Variants in GNG2 observed in about 807,000 individuals in gnomAD.
GNG2 encodes the protein guanine nucleotide-binding protein G(I)/G(S)/G(O) subunit gamma-2.
Under a neutral mutation model 5.5 loss-of-function variants are expected in GNG2, and 5 were observed. The ratio of observed to expected loss-of-function variants is 0.91; its 90% CI spans 0.48 to 1.92. The LOEUF (loss-of-function observed/expected upper bound fraction) is 1.92, where lower values mean the gene tolerates loss of function less well. GNG2 is among the 30% of genes most tolerant of loss of function. The pLI is 0.01. For synonymous variants in GNG2, 28 were observed against 32.0 expected (o/e 0.88, Z 0.42); for missense variants, 55 against 88.4 (o/e 0.62, Z 1.52).
At chr14:51,941,146 A>T (rs1888298472) in intron 2 of GNG2, among the ~76,000 whole-genome samples, 1 of 152,172 alleles carries the variant, frequency 6.6e-6, no homozygotes, top group Non-Finnish European at 1.5e-5. Context: ...GCTGCAGAAT[A>T]AATTAGAGTA....
At chr14:51,836,173 G>A (rs952364301) in intron 2 of GNG2, among the ~76,000 whole-genome samples, 8 of 151,656 alleles carry the variant, frequency 5.3e-5, no homozygotes, top group African/African-American at 1.7e-4. Context: ...CTCTTATAAG[G>A]GCATGAATCC....
intron 2 of GNG2, among the ~76,000 whole-genome samples, chr14:51,843,354 T>C (rs975381170): frequency 6.6e-6 from 1 of 152,074 alleles, no homozygotes; most frequent in Non-Finnish European, 1.5e-5. Flanking sequence ...CCAACTGCTA[T>C]AGAAACCCCT....
intron 3 of GNG2, among the ~76,000 whole-genome samples, chr14:51,958,109 A>G (rs1430808582): frequency 2.0e-5 from 3 of 152,222 alleles, no homozygotes; most frequent in African/African-American, 7.2e-5. Context: ...ACAGTCTGCT[A>G]CTATCATCAT....
intron 1 of GNG2, among the ~76,000 whole-genome samples, chr14:51,865,556 C>T (rs1882821300): frequency 6.6e-6 from 1 of 152,104 alleles, no homozygotes; most frequent in Non-Finnish European, 1.5e-5. Flanking sequence ...TTGACCTCTT[C>T]ATAAGGGATA....
chr14:51,864,760 C>G (rs1298117835), intron 1 of GNG2, among the ~76,000 whole-genome samples: 3 of 152,052 alleles, frequency 2.0e-5, no homozygotes, highest in Non-Finnish European at 4.4e-5. Flanking sequence ...GGTATCATGG[C>G]CAGAAAGGGA....
At chr14:51,946,990 T>C (rs1026634142) in intron 2 of GNG2, among the ~76,000 whole-genome samples, 15 of 152,188 alleles carry the variant, frequency 9.9e-5, no homozygotes, top group African/African-American at 3.6e-4. Flanking sequence ...CGACTCTGCC[T>C]GGTTCATACA....
At chr14:51,962,499 GTAT>G (rs1000420767) in intron 3 of GNG2, among the ~76,000 whole-genome samples, 2 of 152,138 alleles carry the variant, frequency 1.3e-5, no homozygotes, top group African/African-American at 4.8e-5. Context: ...TAAATTTTTT[GTAT>G]TATTTGAAGT....
intron 2 of GNG2, among the ~76,000 whole-genome samples, chr14:51,885,456 C>A (rs1304644313): frequency 6.6e-6 from 1 of 152,046 alleles, no homozygotes; most frequent in African/African-American, 2.4e-5. Context: ...TCCAGATTTT[C>A]TTTTGAGACC....
intron 2 of GNG2, among the ~76,000 whole-genome samples, chr14:51,931,439 G>T (rs890858240): frequency 6.6e-6 from 1 of 152,164 alleles, no homozygotes; most frequent in Non-Finnish European, 1.5e-5. Flanking sequence ...GGGTGAGTAG[G>T]CAGTGGATAT....
At chr14:51,848,806 CAGA>C (rs1881763981) in intron 2 of GNG2, among the ~76,000 whole-genome samples, 1 of 152,070 alleles carries the variant, frequency 6.6e-6, no homozygotes, top group Non-Finnish European at 1.5e-5. Context: ...TGGGGCTGCC[CAGA>C]AGAAGTTGTG....
intron 2 of GNG2, among the ~76,000 whole-genome samples, chr14:51,921,577 C>G (rs1303571158): frequency 6.6e-6 from 1 of 152,198 alleles, no homozygotes; most frequent in Non-Finnish European, 1.5e-5. Context: ...CACAGGGACT[C>G]TCTTCTTCCT....
At chr14:51,920,967 C>T (rs530555731) in intron 2 of GNG2, among the ~76,000 whole-genome samples, 1 of 152,196 alleles carries the variant, frequency 6.6e-6, no homozygotes, top group Non-Finnish European at 1.5e-5. Context: ...CTGCTGCAAA[C>T]ATTGCCAAGA....
intron 2 of GNG2, among the ~76,000 whole-genome samples, chr14:51,933,234 G>A (rs1404907945): frequency 6.6e-6 from 1 of 152,208 alleles, no homozygotes; most frequent in African/African-American, 2.4e-5. Flanking sequence ...AGCAAACCAA[G>A]ACAGGGGTCA....
chr14:51,838,554 A>G (rs1233577903), intron 2 of GNG2, among the ~76,000 whole-genome samples: 1 of 152,216 alleles, frequency 6.6e-6, no homozygotes, highest in Non-Finnish European at 1.5e-5. Context: ...AGATCTGTTT[A>G]CTTAGGAAGT....
chr14:51,858,942 C>T (rs1290749844), upstream of GNG2, among the ~76,000 whole-genome samples: 1 of 152,098 alleles, frequency 6.6e-6, no homozygotes, highest in African/African-American at 2.4e-5. Context: ...CTGTTCAAAT[C>T]AAAACAAAGG....
At chr14:51,869,796 A>G (rs1883179488) in intron 1 of GNG2, among the ~76,000 whole-genome samples, 1 of 152,186 alleles carries the variant, frequency 6.6e-6, no homozygotes, top group African/African-American at 2.4e-5. Context: ...TACAGGCCTG[A>G]GCTACCTTGC....
upstream of GNG2, chr14:51,860,581 C>A (rs1389472693): frequency 6.6e-6 from 1 of 152,404 alleles, no homozygotes. Flanking sequence ...GTAGAAAGAA[C>A]GTTGATTGAA....
At chr14:51,878,311 T>A (rs1883812973) in intron 2 of GNG2, among the ~76,000 whole-genome samples, 2 of 152,152 alleles carry the variant, frequency 1.3e-5, no homozygotes, top group African/African-American at 2.4e-5. Context: ...AAATGTAACT[T>A]CATTATGAAA....
chr14:51,946,278 G>A (rs146074218), intron 2 of GNG2, among the ~76,000 whole-genome samples: 51 of 152,220 alleles, frequency 3.4e-4, no homozygotes, highest in African/African-American at 1.1e-3. Context: ...TGTGGACCAC[G>A]GTCATGGATT....
Sources: allele counts gnomAD v4.1 joint callset (sites outside exome capture counted in the v4.1 genomes callset), GRCh38; gene constraint gnomAD v4.1.1; transcripts MANE v1.5; gene names NCBI Gene and HGNC (gene_info 2026-07-23, HGNC 2026-07-21).